The following GRIK3 variants were observed in gnomAD, a reference collection of about 807,000 sequenced individuals.
The protein encoded by GRIK3 is glutamate ionotropic receptor kainate type subunit 3, also known as glutamate receptor ionotropic, kainate 3.
In GRIK3, 29 loss-of-function variants were observed where a neutral mutation model predicts 102.5. The observed-to-expected ratio is 0.28, with a 90% CI of 0.21 to 0.39. The LOEUF is 0.39. Ranked by LOEUF, GRIK3 falls within the 10% of genes least tolerant of loss-of-function variation. The probability of loss-of-function intolerance (pLI) is 1.00; values close to 1 mark genes in which losing one functional copy is unlikely to be tolerated. For missense variants in GRIK3, 908 were observed against 1,252.4 expected (o/e 0.73, Z 4.15); for synonymous variants, 511 against 504.9 (o/e 1.01, Z -0.16).
chr1:36,916,942 T>G (rs1557724309), intron 1 of GRIK3, among the ~76,000 whole-genome samples: 1 of 152,106 alleles, frequency 6.6e-6, no homozygotes, highest in Non-Finnish European at 1.5e-5. Context: ...GAATGGTAGA[T>G]CCACTGACAG....
At chr1:37,030,150 G>A (rs746530149) in intron 1 of GRIK3, among the ~76,000 whole-genome samples, 2 of 152,210 alleles carry the variant, frequency 1.3e-5, no homozygotes, top group Non-Finnish European at 2.9e-5. Flanking sequence ...CTAAGGCCCC[G>A]CGGGCCACTC....
Position 36,880,592 on chromosome 1 carries a change from C to G in GRIK3, c.550+42G>C, listed in dbSNP as rs774254976. On this transcript the variant is annotated intron_variant, in intron 3 of 15. Transcript: ENST00000373091. This position sits in a 1 kb window ranked among gnomAD's most constrained non-coding sequence, Gnocchi z 5.4. ...GAGCTTGATCCTGGGCCTCTGCCCC[C>G]CTCAACCGTTGCCCCCAGCCTAGCC... is the stretch of plus-strand genomic sequence containing the variant. The G allele has an allele frequency of 5.0e-6, 8 of 1,598,798 alleles. No individual in the cohort carries two copies. In the East Asian group the frequency reaches 6.7e-5, roughly 13 times the overall value.
At chr1:36,895,279 A>G (rs1174563989) in intron 1 of GRIK3, among the ~76,000 whole-genome samples, 8 of 152,212 alleles carry the variant, frequency 5.3e-5, no homozygotes, top group Non-Finnish European at 1.2e-4. Flanking sequence ...GTTTGAAGAG[A>G]CAGAGCAAGC....
At position 37,034,178 on chromosome 1, in the gene GRIK3, G is replaced by T; in HGVS notation, c.-70C>A. 5.2e-6 allele frequency: 3 copies of T among 580,688 alleles called. No individual in the cohort carries two copies. Among genetic ancestry groups the T allele is most frequent in the Non-Finnish European group, 7.8e-6 (3 of 387,008 alleles). The allele number at this position is 580,688 out of a possible 1,614,324, so 36.0% of individuals were successfully genotyped here. ...TCCCTGGGGCGGCAGCTCTAGGCGC[G>T]GGCGCGCAGCAGCCCCGAAGGCGCC... On this transcript the variant is annotated 5_prime_UTR_variant, in exon 1 of 16. Transcript: ENST00000373091.
chr1:36,865,346 T>G (rs1023264395), intron 5 of GRIK3, among the ~76,000 whole-genome samples: 3 of 152,202 alleles, frequency 2.0e-5, no homozygotes, highest in Admixed American at 6.5e-5. Context: ...TTGGAGAATT[T>G]TTTTTAGAGG....
chr1:36,998,190 C>T (rs1307889747), intron 1 of GRIK3, among the ~76,000 whole-genome samples: 2 of 152,212 alleles, frequency 1.3e-5, no homozygotes, highest in African/African-American at 4.8e-5. Context: ...AGACATTAAT[C>T]TGATCCATAT....
At chr1:36,930,550 G>A (rs575005861) in intron 1 of GRIK3, among the ~76,000 whole-genome samples, 1 of 152,270 alleles carries the variant, frequency 6.6e-6, no homozygotes, top group South Asian at 2.1e-4. Flanking sequence ...TTGTGCTCTG[G>A]TCCATCACAC....
At chr1:37,013,458 G>A (rs987985994) in intron 1 of GRIK3, among the ~76,000 whole-genome samples, 1 of 152,178 alleles carries the variant, frequency 6.6e-6, no homozygotes, top group African/African-American at 2.4e-5. Flanking sequence ...CTACTCCTCT[G>A]GCATGCACTT....
At position 36,863,483 on chromosome 1, in the gene GRIK3, A is replaced by ATT. The variant is rs57618920; in HGVS notation, c.787-3468_787-3467dup. On this transcript the variant is annotated intron_variant, in intron 5 of 15. Transcript: ENST00000373091. ...GCTCACTTTCCTTCCTACCCTCTCA[A>ATT]TTTTTTTGTCCCAGGATGCAAGTTC... 2.6e-5 allele frequency among the ~76,000 whole-genome samples: 4 copies of ATT among 151,536 alleles called. No individual in the cohort carries two copies. In the East Asian group the frequency reaches 5.8e-4, roughly 22 times the overall value.
At chr1:36,975,648 C>T (rs1642189217) in intron 1 of GRIK3, among the ~76,000 whole-genome samples, 1 of 152,182 alleles carries the variant, frequency 6.6e-6, no homozygotes, top group South Asian at 2.1e-4. Context: ...GATCGGTATG[C>T]TGCTGGGCAA....
At chr1:36,885,640 G>A (rs2124267992) in intron 2 of GRIK3, among the ~76,000 whole-genome samples, 1 of 152,110 alleles carries the variant, frequency 6.6e-6, no homozygotes, top group African/African-American at 2.4e-5. Flanking sequence ...CCCCTTTCCT[G>A]TCTCCTCCAT....
intron 1 of GRIK3, among the ~76,000 whole-genome samples, chr1:36,989,087 C>T (rs1010878857): frequency 9.2e-5 from 14 of 152,142 alleles, no homozygotes; most frequent in African/African-American, 3.4e-4. Flanking sequence ...CCTGCACAAA[C>T]ACAGGCTCAC....
chr1:36,924,954 T>C (rs1271383553), intron 1 of GRIK3, among the ~76,000 whole-genome samples: 1 of 152,128 alleles, frequency 6.6e-6, no homozygotes, highest in East Asian at 1.9e-4. Flanking sequence ...AATCATGTGA[T>C]ATGTATCAGG....
intron 1 of GRIK3, among the ~76,000 whole-genome samples, chr1:36,977,621 G>A (rs1477261325): frequency 6.6e-6 from 1 of 152,200 alleles, no homozygotes; most frequent in East Asian, 1.9e-4. Flanking sequence ...AGGGGAGGGG[G>A]CTGGAGAGAC....
At chr1:36,891,188 C>T (rs1192539936) in intron 1 of GRIK3, 92 bp from the exon 2 acceptor site, 2 of 923,724 alleles carry the variant, frequency 2.2e-6, no homozygotes. Flanking sequence ...AGACAAGTTG[C>T]CTGCTCCCTG....
At chr1:36,825,292 C>T (rs1486372646) in intron 11 of GRIK3, among the ~76,000 whole-genome samples, 2 of 152,128 alleles carry the variant, frequency 1.3e-5, no homozygotes, top group African/African-American at 4.8e-5. Context: ...TCATGTGGTG[C>T]CACTTTGGGC....
At chr1:36,842,458 G>T (rs1640467860) in intron 9 of GRIK3, among the ~76,000 whole-genome samples, 1 of 152,208 alleles carries the variant, frequency 6.6e-6, no homozygotes, top group Non-Finnish European at 1.5e-5. Context: ...GGACGCTGCT[G>T]TAAAAAGCCC....
At chr1:36,859,288 G>A in intron 6 of GRIK3, 37 bp from the exon 7 acceptor site, 1 of 1,578,306 alleles carries the variant, frequency 6.3e-7, no homozygotes, top group Non-Finnish European at 8.7e-7. Context: ...GGCTCCCAAG[G>A]CCCTCCAGTC....
intron 8 of GRIK3, among the ~76,000 whole-genome samples, chr1:36,851,429 G>C (rs375053901): frequency 1.2e-4 from 19 of 152,242 alleles, no homozygotes; most frequent in African/African-American, 4.6e-4. Context: ...GGGCCTTGAG[G>C]AGAGGAAAGT....
Sources: allele counts gnomAD v4.1 joint callset (sites outside exome capture counted in the v4.1 genomes callset), GRCh38; gene constraint gnomAD v4.1.1; non-coding constraint Gnocchi (gnomAD v3.1); transcripts MANE v1.5; gene names NCBI Gene and HGNC (gene_info 2026-07-23, HGNC 2026-07-21).